The following HERC3 variants were observed in gnomAD, a reference collection of about 807,000 sequenced individuals.
HERC3 encodes the protein HECT and RLD domain containing E3 ubiquitin protein ligase 3.
A neutral mutation model predicts 129.9 loss-of-function variants in HERC3; 58 were observed. The observed-to-expected ratio is 0.45, with a 90% CI of 0.36 to 0.56. The LOEUF (loss-of-function observed/expected upper bound fraction) is 0.56. HERC3 is among the 20% of genes least tolerant of loss of function. The pLI, the probability that HERC3 is intolerant of heterozygous loss-of-function variation, is 0.00. For synonymous variants in HERC3, 430 were observed against 451.0 expected, an observed-to-expected ratio of 0.95 and a Z score of 0.59; for missense variants, 835 against 1,244.2, an observed-to-expected ratio of 0.67 and a Z score of 4.95.
the HERC3 span, chr4:88,525,029 A>C: frequency 6.6e-6 from 1 of 151,626 alleles, no homozygotes; most frequent in East Asian, 1.9e-4. Context: ...GTTTTTTTTA[A>C]AAAAAACAGT....
At chr4:88,690,380 C>T in intron 23 of HERC3, 6 of 985,392 alleles carry the variant, frequency 6.1e-6, no homozygotes, top group Non-Finnish European at 7.2e-6. Context: ...TGCTTTATAA[C>T]ATTGTAGATG....
the HERC3 span, among the ~76,000 whole-genome samples, chr4:88,568,365 T>C: frequency 6.6e-6 from 1 of 152,028 alleles, no homozygotes; most frequent in African/African-American, 2.4e-5. Context: ...CTCTTCATGG[T>C]GGCAAGCTCC....
the HERC3 span, among the ~76,000 whole-genome samples, chr4:88,534,613 T>C: frequency 2.6e-5 from 4 of 152,288 alleles, no homozygotes; most frequent in East Asian, 7.7e-4. Flanking sequence ...TTCCAATTTA[T>C]TAAATGAAAG....
intron 11 of HERC3, 147 bp downstream of exon 11, chr4:88,662,702 A>G: frequency 1.2e-6 from 1 of 839,654 alleles, no homozygotes. Context: ...TTTGGTTACT[A>G]TTTCAGGGTT....
chr4:88,541,224 C>A, the HERC3 span, among the ~76,000 whole-genome samples: 1 of 151,100 alleles, frequency 6.6e-6, no homozygotes, highest in Non-Finnish European at 1.5e-5. Context: ...CACATAGGCT[C>A]AAAATAATGG....
chr4:88,660,625 T>G (rs1730396017), intron 10 of HERC3, among the ~76,000 whole-genome samples: 1 of 152,186 alleles, frequency 6.6e-6, no homozygotes, highest in African/African-American at 2.4e-5. Flanking sequence ...TCTTGGGAAT[T>G]TAGTGAATGT....
At chr4:88,580,242 A>G in the HERC3 span, among the ~76,000 whole-genome samples, 1 of 152,222 alleles carries the variant, frequency 6.6e-6, no homozygotes, top group South Asian at 2.1e-4. Flanking sequence ...AAGTGGAATT[A>G]GTCCAGGTGC....
chr4:88,678,932 A>G (rs986032584), intron 19 of HERC3, among the ~76,000 whole-genome samples: 6 of 152,138 alleles, frequency 3.9e-5, no homozygotes, highest in African/African-American at 1.4e-4. Context: ...CCCTGTTTTC[A>G]ATAGGTAATT....
rs550774236 is a variant in HERC3, at chr4:88,614,770, C to CA, written c.226+8721_226+8722insA. On this transcript the variant is annotated intron_variant, in intron 3 of 25. Transcript: ENST00000402738. ...GATTCAGCAGACATTTACTGAGTGA[C>CA]TAAACTTCTAGATTCCTCATTTGTT... Among the ~76,000 whole-genome samples the CA allele has an allele frequency of 4.5e-4, 68 of 152,268 alleles. 1 individual carries two copies. The highest frequency in any genetic ancestry group is 1.4e-3 in the African/African-American group (59 of 41,556).
chr4:88,561,249 T>A, the HERC3 span, among the ~76,000 whole-genome samples: 195 of 152,306 alleles, frequency 1.3e-3, no homozygotes, highest in African/African-American at 4.5e-3. Flanking sequence ...TCAATATTGC[T>A]GATTGGCAAT....
intron 3 of HERC3, among the ~76,000 whole-genome samples, chr4:88,609,536 T>TGTTCCTGGTTCCCAGTTTGAGA: frequency 6.6e-6 from 1 of 152,186 alleles, no homozygotes; most frequent in African/African-American, 2.4e-5. Flanking sequence ...GTTTTTTATC[T>TGTTCCTGGTTCCCAGTTTGAGA]ACCAGGAAAT....
chr4:88,545,325 C>T, the HERC3 span, among the ~76,000 whole-genome samples: 1 of 151,678 alleles, frequency 6.6e-6, no homozygotes, highest in Non-Finnish European at 1.5e-5. Context: ...ATTCTACCAA[C>T]TTTACAAGGA....
At chr4:88,550,460 A>G in the HERC3 span, among the ~76,000 whole-genome samples, 1 of 151,952 alleles carries the variant, frequency 6.6e-6, no homozygotes, top group African/African-American at 2.4e-5. Flanking sequence ...ATCAATGTAC[A>G]AAAATCACAA....
intron 3 of HERC3, among the ~76,000 whole-genome samples, chr4:88,637,634 A>G (rs886890645): frequency 1.3e-5 from 2 of 152,240 alleles, no homozygotes; most frequent in Non-Finnish European, 2.9e-5. Flanking sequence ...AAATGCCCAT[A>G]TCAGAAAGCT....
rs182773470 is a variant in HERC3 at position 88,643,743 on chromosome 4, A to G, written c.227-6097A>G. Among the ~76,000 whole-genome samples the G allele has an allele frequency of 1.8e-3, 276 of 152,340 alleles. 1 individual carries two copies. The highest frequency in any genetic ancestry group is 0.01 in the Middle Eastern group (3 of 294). ...CACAGCTTTTTAAAACAATTAACTC[A>G]AAATGAATCACAGATCTCAATGTAA... On this transcript the variant is annotated intron_variant, in intron 3 of 25. Transcript: ENST00000402738.
chr4:88,678,098 C>T lies in HERC3; in HGVS notation c.2160C>T (p.Ser720=), dbSNP rs752822296. 22 of 1,613,820 alleles carry T rather than the reference C, an allele frequency of 1.4e-5. No individual in the cohort carries two copies. Among genetic ancestry groups the T allele is most frequent in the Admixed American group, 1.3e-4 (8 of 59,990 alleles). Residue 720 remains serine (S), a synonymous_variant, in exon 19 of 26, where the codon AGC becomes AGT. Coordinates refer to ENST00000402738, the MANE Select transcript of HERC3 (RefSeq NM_014606.3). ...NLVGDALREL[S]IHSDIDLKKP... The stretch of plus-strand genomic sequence containing the variant: ...TTGGAGATGCCCTAAGAGAGCTGAG[C>T]ATTCATTCTGATATTGATTTGAAAA...
intron 21 of HERC3, chr4:88,684,768 A>G (rs1733213013): frequency 6.6e-6 from 1 of 152,222 alleles, no homozygotes; most frequent in Non-Finnish European, 1.5e-5. Context: ...ACTTAAGCAA[A>G]TTTACAAGAA....
upstream of HERC3, among the ~76,000 whole-genome samples, chr4:88,590,502 G>A (rs937942997): frequency 6.6e-6 from 1 of 151,794 alleles, no homozygotes; most frequent in Admixed American, 6.6e-5. Context: ...CAGCTTGCAG[G>A]GAGCCGAGTT....
At chr4:88,694,578 C>CTAAACTGT (rs1734401239) in intron 23 of HERC3, among the ~76,000 whole-genome samples, 1 of 152,092 alleles carries the variant, frequency 6.6e-6, no homozygotes, top group Non-Finnish European at 1.5e-5. Context: ...AGGTAAAAAT[C>CTAAACTGT]TAAACTGTTT....
Sources: gnomAD v4.1 joint callset for allele counts (sites outside exome capture counted in the v4.1 genomes callset) on GRCh38, gnomAD v4.1.1 for gene constraint, MANE v1.5 for transcripts, NCBI Gene and HGNC (gene_info 2026-07-23, HGNC 2026-07-21) for gene names.